The following NCAM1 variants were observed in gnomAD, a reference collection of about 807,000 sequenced individuals.
NCAM1 encodes antigen recognized by monoclonal antibody 5.1H11.
A neutral mutation model predicts 109.8 loss-of-function variants in NCAM1; 14 were observed. That is an observed-to-expected ratio of 0.13 (90% confidence interval 0.08 to 0.20). The LOEUF (loss-of-function observed/expected upper bound fraction) is 0.20. NCAM1 is among the 10% of genes least tolerant of loss of function. The probability of loss-of-function intolerance (pLI) is 1.00; values close to 1 mark genes in which losing one functional copy is unlikely to be tolerated. For missense variants in NCAM1, 774 were observed against 1,109.9 expected, an observed-to-expected ratio of 0.70 and a Z score of 4.30; for synonymous variants, 418 against 442.9, an observed-to-expected ratio of 0.94 and a Z score of 0.70.
At chr11:113,213,584 C>A (rs990008760) in intron 7 of NCAM1, among the ~76,000 whole-genome samples, 1 of 152,164 alleles carries the variant, frequency 6.6e-6, no homozygotes, top group South Asian at 2.1e-4. Flanking sequence ...GTCACCTGGA[C>A]TCCTTCTTAT....
chr11:113,204,658 C>T (rs189785245), intron 3 of NCAM1, among the ~76,000 whole-genome samples, 154 bp downstream of exon 3: 19 of 152,294 alleles, frequency 1.2e-4, no homozygotes, highest in Admixed American at 3.3e-4. Context: ...TTGGCCAACC[C>T]AGAACTCACA....
At chr11:113,069,793 G>A (rs147251403) in intron 1 of NCAM1, among the ~76,000 whole-genome samples, 92 of 152,286 alleles carry the variant, frequency 6.0e-4, no homozygotes, top group Non-Finnish European at 1.1e-3. Context: ...TTTGGTAGAC[G>A]GGAGGGAGAA....
intron 1 of NCAM1, among the ~76,000 whole-genome samples, chr11:112,997,674 A>T (rs782294186): frequency 6.6e-6 from 1 of 152,150 alleles, no homozygotes; most frequent in Non-Finnish European, 1.5e-5. Flanking sequence ...CTGGAAGGTA[A>T]ATGAATGCAT....
At chr11:113,248,606 T>C (rs1243547599) in intron 15 of NCAM1, among the ~76,000 whole-genome samples, 3 of 152,088 alleles carry the variant, frequency 2.0e-5, no homozygotes, top group Non-Finnish European at 4.4e-5. Context: ...CAACAACTGG[T>C]GACATCTGAT....
chr11:113,204,433 G>A lies in NCAM1; in HGVS notation c.275G>A (p.Gly92Asp). The A allele has an allele frequency of 6.2e-7, 1 of 1,613,966 alleles. No homozygotes were observed. The highest frequency in any genetic ancestry group is 8.5e-7 in the Non-Finnish European group (1 of 1,179,900). ...TIYNANIDDAGIYKCVVTGED... is the reference protein window; with the variant it reads ...TIYNANIDDADIYKCVVTGED... ...TATAACGCCAACATCGACGACGCCG[G>A]CATTTACAAGTGTGTGGTTACAGGC... The change falls in exon 3 of 20, where the codon GGC (glycine) becomes GAC (aspartate). Residue 92 changes from glycine (G) to aspartate (D), a missense_variant. Gly to Asp is a moderately conservative substitution (Grantham distance 94). Coordinates refer to ENST00000316851, the MANE Select transcript of NCAM1 (RefSeq NM_181351.5).
In NCAM1 at chr11:113,228,775, G is replaced by A. The variant is rs376425830; in HGVS notation, c.1090-2870G>A. Reference sequence around the variant, plus strand: ...ACAGAACAGAGCCCTCAGAAATAATGCCACACATCTACAACTATCTGATCT... The same window carrying A: ...ACAGAACAGAGCCCTCAGAAATAATACCACACATCTACAACTATCTGATCT... On this transcript the variant is annotated intron_variant, in intron 9 of 19. Transcript: ENST00000316851. 2.6e-5 allele frequency among the ~76,000 whole-genome samples: 4 copies of A among 152,206 alleles called. No individual in the cohort carries two copies. The East Asian group carries it at 5.8e-4, about 22-fold the overall frequency.
At chr11:113,230,925 A>C (rs1944985924) in intron 9 of NCAM1, among the ~76,000 whole-genome samples, 1 of 152,218 alleles carries the variant, frequency 6.6e-6, no homozygotes, top group African/African-American at 2.4e-5. Flanking sequence ...CCAGAGATTT[A>C]GGAAGCCCAT....
chr11:113,231,983 C>A (rs1460106126), intron 10 of NCAM1, among the ~76,000 whole-genome samples, 187 bp from the exon 11 acceptor site: 1 of 152,150 alleles, frequency 6.6e-6, no homozygotes, highest in African/African-American at 2.4e-5. Context: ...AGGCTTCTTA[C>A]AAGCCTGCTG....
intron 1 of NCAM1, among the ~76,000 whole-genome samples, chr11:113,087,266 G>A (rs1369320870): frequency 1.3e-5 from 2 of 152,134 alleles, no homozygotes; most frequent in African/African-American, 2.4e-5. Context: ...ACAGCTGGGG[G>A]CAGGTCATGA....
chr11:113,261,193 C>T (rs544586379), intron 17 of NCAM1, among the ~76,000 whole-genome samples: 2 of 152,116 alleles, frequency 1.3e-5, no homozygotes, highest in Admixed American at 1.3e-4. Context: ...TTGGGCAGCC[C>T]CCCTCATGCC....
chr11:113,224,872 C>G (rs1356644773), intron 9 of NCAM1, among the ~76,000 whole-genome samples: 1 of 152,214 alleles, frequency 6.6e-6, no homozygotes, highest in Non-Finnish European at 1.5e-5. Flanking sequence ...AGCTGAGGGT[C>G]CTGACTGTTA....
chr11:113,276,839 G>A lies in NCAM1; in HGVS notation c.*1452G>A, dbSNP rs1406397920. 1 of 151,530 alleles carries A rather than the reference G, an allele frequency of 6.6e-6. No individual in the cohort carries two copies. Among genetic ancestry groups the A allele is most frequent in the South Asian group, 2.1e-4 (1 of 4,748 alleles). 9.4% of individuals were successfully genotyped at this position (151,530 alleles called of 1,614,324 possible). On this transcript the variant is annotated 3_prime_UTR_variant, in exon 20 of 20. Transcript: ENST00000316851. ...AGAAACTTTAAGGGGGATGGGAGGG[G>A]GGGGAGAAGGGAAAAGCCAGCCCTT...
intron 1 of NCAM1, among the ~76,000 whole-genome samples, chr11:113,190,470 C>T (rs548546550): frequency 6.6e-6 from 1 of 152,298 alleles, no homozygotes; most frequent in East Asian, 1.9e-4. Flanking sequence ...GCCCCACGGC[C>T]ACCATCTGCT....
intron 1 of NCAM1, among the ~76,000 whole-genome samples, chr11:113,109,817 A>C (rs1185064712): frequency 6.6e-6 from 1 of 152,158 alleles, no homozygotes; most frequent in Non-Finnish European, 1.5e-5. Context: ...TGAGCTTTTT[A>C]GTCAAAGGGA....
intron 1 of NCAM1, among the ~76,000 whole-genome samples, chr11:113,146,686 G>A (rs1278861403): frequency 6.6e-6 from 1 of 152,226 alleles, no homozygotes; most frequent in Non-Finnish European, 1.5e-5. Context: ...GGCCAGGGCA[G>A]CGATGGAGTT....
intron 1 of NCAM1, among the ~76,000 whole-genome samples, chr11:113,136,352 C>A (rs1941595950): frequency 6.6e-6 from 1 of 152,222 alleles, no homozygotes; most frequent in South Asian, 2.1e-4. Flanking sequence ...GGAAAAGGAA[C>A]AGGTGTGTTG....
chr11:112,978,269 G>T lies in NCAM1; in HGVS notation c.52+16605G>T, dbSNP rs184620065. Among the ~76,000 whole-genome samples, 290 of 142,504 alleles carry T rather than the reference G, an allele frequency of 2.0e-3. 1 individual carries two copies. Among genetic ancestry groups the T allele is most frequent in the African/African-American group, 6.6e-3 (263 of 39,770 alleles). The allele number at this position is 142,504 out of a possible 152,430, so 93.5% of individuals were successfully genotyped here. Reference sequence around the variant, plus strand: ...ATTGGTGTTTAGGTTTTGGGAGTGGGGTGAGATGAGGACACACAACATAAA... The same window carrying T: ...ATTGGTGTTTAGGTTTTGGGAGTGGTGTGAGATGAGGACACACAACATAAA... On this transcript the variant is annotated intron_variant, in intron 1 of 19. Coordinates refer to ENST00000316851, the MANE Select transcript of NCAM1 (RefSeq NM_181351.5).
intron 1 of NCAM1, among the ~76,000 whole-genome samples, chr11:112,964,101 T>A (rs1950651751): frequency 6.6e-6 from 1 of 150,470 alleles, no homozygotes; most frequent in Non-Finnish European, 1.5e-5. Flanking sequence ...TAACAACAAG[T>A]ATATATACAT....
At chr11:113,091,932 C>CT (rs1939361976) in intron 1 of NCAM1, among the ~76,000 whole-genome samples, 1 of 152,158 alleles carries the variant, frequency 6.6e-6, no homozygotes, top group African/African-American at 2.4e-5. Context: ...AATGTCTGCC[C>CT]TTTGGTGTCC....
Sources: allele counts gnomAD v4.1 joint callset (sites outside exome capture counted in the v4.1 genomes callset), GRCh38; gene constraint gnomAD v4.1.1; transcripts MANE v1.5; gene names NCBI Gene and HGNC (gene_info 2026-07-23, HGNC 2026-07-21).